The following BCL2 variants were observed in gnomAD, a reference collection of about 807,000 sequenced individuals.
BCL2 encodes the protein apoptosis regulator Bcl-2.
Under a neutral mutation model 14.2 loss-of-function variants are expected in BCL2, and 1 was observed. The observed-to-expected ratio is 0.07, with a 90% CI of 0.02 to 0.33. The LOEUF is 0.33. Ranked by LOEUF, BCL2 falls within the 10% of genes least tolerant of loss-of-function variation. The pLI is 0.99. For missense variants in BCL2, 247 were observed against 305.9 expected, an observed-to-expected ratio of 0.81 and a Z score of 1.44; for synonymous variants, 151 against 137.2, an observed-to-expected ratio of 1.10 and a Z score of -0.70.
chr18:63,230,952 A>G (rs1322176048), intron 2 of BCL2, among the ~76,000 whole-genome samples: 1 of 152,068 alleles, frequency 6.6e-6, no homozygotes, highest in Non-Finnish European at 1.5e-5. Flanking sequence ...GTGCACAAAT[A>G]TATAGTATTT....
rs1024859536 is a variant in BCL2 at position 63,123,753 on chromosome 18, C to T, written c.*4872G>A. 2.3e-5 allele frequency: 5 copies of T among 217,846 alleles called. No individual in the cohort carries two copies. The highest frequency in any genetic ancestry group is 4.5e-5 in the African/African-American group (2 of 44,362). 13.5% of individuals were successfully genotyped at this position (217,846 alleles called of 1,614,324 possible). ...AACAAAACCACCAAAAGAAAGCTTC[C>T]CCAAAAGAAATGCAATCCACTGTCA... On this transcript the variant is annotated 3_prime_UTR_variant, in exon 3 of 3. Transcript: ENST00000333681.
intron 2 of BCL2, among the ~76,000 whole-genome samples, chr18:63,273,805 T>G (rs1419728171): frequency 6.6e-6 from 1 of 152,206 alleles, no homozygotes; most frequent in Non-Finnish European, 1.5e-5. Context: ...TTGTCTGAAC[T>G]TCACAGGTGA....
chr18:63,264,923 G>T (rs375833122), intron 2 of BCL2, among the ~76,000 whole-genome samples: 1 of 152,418 alleles, frequency 6.6e-6, no homozygotes, highest in Admixed American at 6.5e-5. Context: ...CTGTGGCAAG[G>T]GGCTGCAGGG....
At chr18:63,169,057 G>A (rs564228351) in intron 2 of BCL2, among the ~76,000 whole-genome samples, 30 of 152,226 alleles carry the variant, frequency 2.0e-4, no homozygotes, top group Non-Finnish European at 3.4e-4. Context: ...CTCTCCTGAA[G>A]TATCTCCAGC....
At chr18:63,141,515 T>C (rs2144597723) in intron 2 of BCL2, among the ~76,000 whole-genome samples, 1 of 152,272 alleles carries the variant, frequency 6.6e-6, no homozygotes, top group South Asian at 2.1e-4. Context: ...CCAACCCCCA[T>C]ATGCCCACAA....
intron 2 of BCL2, among the ~76,000 whole-genome samples, chr18:63,155,324 G>A (rs779725965): frequency 2.0e-5 from 3 of 152,168 alleles, no homozygotes; most frequent in Non-Finnish European, 2.9e-5. Context: ...TTGAGGAGGC[G>A]ACAAATCTCA....
At position 63,188,555 on chromosome 18, in the gene BCL2, T is replaced by C. The variant is rs190289678; in HGVS notation, c.586-59796A>G. On this transcript the variant is annotated intron_variant, in intron 2 of 2. Coordinates refer to ENST00000333681, the MANE Select transcript of BCL2 (RefSeq NM_000633.3). Reference sequence around the variant, plus strand: ...ATTATATAGGTGATAGAAATAAAGATTGGAATAAGCAAATTAGAACATAAA... The same window carrying C: ...ATTATATAGGTGATAGAAATAAAGACTGGAATAAGCAAATTAGAACATAAA... Among the ~76,000 whole-genome samples, 4 of 152,290 alleles carry C rather than the reference T, an allele frequency of 2.6e-5. No homozygotes were observed. In the East Asian group the frequency reaches 5.8e-4, roughly 22 times the overall value.
chr18:63,133,196 C>A (rs1484342164), intron 2 of BCL2, among the ~76,000 whole-genome samples: 1 of 152,196 alleles, frequency 6.6e-6, no homozygotes, highest in Non-Finnish European at 1.5e-5. Flanking sequence ...TGGACGGGAA[C>A]AGACCAGGGT....
At chr18:63,311,024 C>T (rs539818505) in intron 2 of BCL2, among the ~76,000 whole-genome samples, 2 of 149,820 alleles carry the variant, frequency 1.3e-5, no homozygotes, top group Non-Finnish European at 3.0e-5. Context: ...TTTATGGACT[C>T]GCTTTTTTTT....
chr18:63,186,145 A>G (rs1389071155), intron 2 of BCL2, among the ~76,000 whole-genome samples: 1 of 152,204 alleles, frequency 6.6e-6, no homozygotes, highest in Non-Finnish European at 1.5e-5. Flanking sequence ...ACAATAAATT[A>G]TCACTAGCTC....
chr18:63,209,236 G>A (rs1300450703), intron 2 of BCL2, among the ~76,000 whole-genome samples: 1 of 152,196 alleles, frequency 6.6e-6, no homozygotes, highest in South Asian at 2.1e-4. Flanking sequence ...AATTGATCGA[G>A]GGGCCGTGAC....
chr18:63,254,383 TAAAAAAAAAA>T (rs71162613), intron 2 of BCL2, among the ~76,000 whole-genome samples: 3 of 38,412 alleles, frequency 7.8e-5, no homozygotes, highest in Non-Finnish European at 1.3e-4. Flanking sequence ...CTGTCTTTGC[TAAAAAAAAAA>T]AAAAAAAAAA....
At chr18:63,264,541 C>T (rs1256694273) in intron 2 of BCL2, among the ~76,000 whole-genome samples, 5 of 152,178 alleles carry the variant, frequency 3.3e-5, no homozygotes, top group Non-Finnish European at 5.9e-5. Flanking sequence ...GCAGCAGAGA[C>T]AGATAAAAGC....
chr18:63,158,356 G>T (rs1455326116), intron 2 of BCL2, among the ~76,000 whole-genome samples: 1 of 152,132 alleles, frequency 6.6e-6, no homozygotes, highest in African/African-American at 2.4e-5. Flanking sequence ...GTGGCCGAGT[G>T]ACCTGGCCCT....
chr18:63,145,990 A>C (rs1322307520), intron 2 of BCL2, among the ~76,000 whole-genome samples: 1 of 152,120 alleles, frequency 6.6e-6, no homozygotes, highest in African/African-American at 2.4e-5. Context: ...TGCCTTCACT[A>C]TAACCCAGAC....
At position 63,318,813 on chromosome 18, in the gene BCL2, C is replaced by T; in HGVS notation, c.-147G>A. 6.9e-7 allele frequency: 1 copy of T among 1,446,618 alleles called. No homozygotes were observed. The highest frequency in any genetic ancestry group is 1.5e-5 in the South Asian group (1 of 68,138). 89.6% of individuals were successfully genotyped at this position (1,446,618 alleles called of 1,614,324 possible). On this transcript the variant is annotated 5_prime_UTR_variant, in exon 2 of 3. The change creates a new upstream start codon in the 5' untranslated region. Transcript: ENST00000333681. The surrounding 1 kb of genome is among the most constrained non-coding windows in gnomAD (Gnocchi z 7.4). Reference sequence around the variant, plus strand: ...TTGGACGAGGGGGTGTCTTCAATCACGCGGAACACTTGATTCTGGTGTTTC... The same window carrying T: ...TTGGACGAGGGGGTGTCTTCAATCATGCGGAACACTTGATTCTGGTGTTTC...
chr18:63,201,251 C>T (rs1909681928), intron 2 of BCL2, among the ~76,000 whole-genome samples: 2 of 152,108 alleles, frequency 1.3e-5, no homozygotes, highest in African/African-American at 4.8e-5. Flanking sequence ...ATTTTTTTCA[C>T]CCAATTCTGA....
At chr18:63,227,319 A>T (rs1432292427) in intron 2 of BCL2, among the ~76,000 whole-genome samples, 1 of 152,232 alleles carries the variant, frequency 6.6e-6, no homozygotes, top group African/African-American at 2.4e-5. Context: ...TCAAGGATGT[A>T]CTTCAGTAAG....
At chr18:63,191,428 A>AC (rs1909289480) in intron 2 of BCL2, among the ~76,000 whole-genome samples, 2 of 152,346 alleles carry the variant, frequency 1.3e-5, no homozygotes, top group Admixed American at 6.5e-5. Context: ...TTGGTCTTCT[A>AC]AGGACAGACC....
Sources: gnomAD v4.1 joint callset for allele counts (sites outside exome capture counted in the v4.1 genomes callset) on GRCh38, gnomAD v4.1.1 for gene constraint, Gnocchi (gnomAD v3.1) non-coding constraint, MANE v1.5 for transcripts, NCBI Gene and HGNC (gene_info 2026-07-23, HGNC 2026-07-21) for gene names.